The following CSMD1 variants were observed in gnomAD, a reference collection of about 807,000 sequenced individuals.
The protein encoded by CSMD1 is CUB and Sushi multiple domains 1, also known as CUB and sushi domain-containing protein 1.
CSMD1 carries 213 observed loss-of-function variants against 417.5 expected under a neutral mutation model. The observed-to-expected ratio is 0.51, with a 90% confidence interval of 0.46 to 0.57. The LOEUF is 0.57. CSMD1 is among the 20% of genes least tolerant of loss of function. The pLI, the probability that CSMD1 is intolerant of heterozygous loss-of-function variation, is 0.00. For missense variants in CSMD1, 6,923 were observed against 4,529.7 expected (o/e 1.53, Z -15.17); for synonymous variants, 2,862 against 1,736.8 (o/e 1.65, Z -16.11).
intron 46 of CSMD1, among the ~76,000 whole-genome samples, chr8:3,100,786 G>A (rs1407105452): frequency 6.6e-6 from 1 of 152,120 alleles, no homozygotes; most frequent in Non-Finnish European, 1.5e-5. Flanking sequence ...TAGTACTCTA[G>A]GATTAATAGC....
chr8:3,031,015 G>C (rs925141245), intron 50 of CSMD1, among the ~76,000 whole-genome samples: 1 of 151,398 alleles, frequency 6.6e-6, no homozygotes, highest in African/African-American at 2.4e-5. Flanking sequence ...TATTTTTTTA[G>C]GTTGAAGGAA....
intron 50 of CSMD1, among the ~76,000 whole-genome samples, chr8:3,029,765 G>A (rs940582410): frequency 2.6e-5 from 4 of 151,918 alleles, no homozygotes; most frequent in African/African-American, 4.8e-5. Context: ...TGTAAAGGGG[G>A]TAAATCACTT....
chr8:3,452,268 A>G (rs1475562185), intron 12 of CSMD1, among the ~76,000 whole-genome samples: 3 of 152,182 alleles, frequency 2.0e-5, no homozygotes, highest in Non-Finnish European at 4.4e-5. Context: ...GGAAAAAGGG[A>G]CAATTTGACT....
intron 5 of CSMD1, among the ~76,000 whole-genome samples, chr8:3,930,541 G>C (rs1447336275): frequency 1.3e-5 from 2 of 150,104 alleles, no homozygotes; most frequent in Non-Finnish European, 3.0e-5. Context: ...AAAGTTCTAA[G>C]TTGCTAGCCA....
chr8:3,304,300 G>GAAAT (rs1804644170), intron 25 of CSMD1, among the ~76,000 whole-genome samples: 1 of 152,056 alleles, frequency 6.6e-6, no homozygotes, highest in Admixed American at 6.6e-5. Flanking sequence ...TGTTACCATT[G>GAAAT]AAATAAATAA....
At chr8:3,140,958 C>T (rs1218569618) in intron 41 of CSMD1, among the ~76,000 whole-genome samples, 1 of 152,090 alleles carries the variant, frequency 6.6e-6, no homozygotes, top group Non-Finnish European at 1.5e-5. Flanking sequence ...GAAAGTTGAA[C>T]ATGAACAATG....
chr8:3,135,625 G>C (rs532109127), intron 41 of CSMD1, among the ~76,000 whole-genome samples: 1 of 148,272 alleles, frequency 6.7e-6, no homozygotes. Flanking sequence ...ACACGCTCTT[G>C]AGTGAAGTCT....
intron 23 of CSMD1, among the ~76,000 whole-genome samples, chr8:3,309,606 C>G (rs999793131): frequency 1.9e-4 from 28 of 145,176 alleles, no homozygotes; most frequent in African/African-American, 6.3e-4. Context: ...TATCATGATG[C>G]AAATTTTGAC....
At position 4,031,494 on chromosome 8, in the gene CSMD1, T is replaced by C. The variant is rs894997417; in HGVS notation, c.610+411A>G. ...GGAAACACTTACCCCCATGATTCAA[T>C]TACCTTCTACCAGGTTCCTCCCACA... On this transcript the variant is annotated intron_variant, in intron 4 of 69. Transcript: ENST00000635120. Among the ~76,000 whole-genome samples the C allele has an allele frequency of 7.2e-5, 11 of 152,162 alleles. 1 individual carries two copies. The highest frequency in any genetic ancestry group is 2.7e-4 in the African/African-American group (11 of 41,448).
intron 18 of CSMD1, among the ~76,000 whole-genome samples, chr8:3,384,817 ATAAT>A (rs1327178330): frequency 2.4e-5 from 3 of 123,318 alleles, no homozygotes; most frequent in Non-Finnish European, 4.8e-5. Context: ...ATATAAATAT[ATAAT>A]TAAATAAAAT....
chr8:4,193,767 A>G (rs565574797), intron 3 of CSMD1, among the ~76,000 whole-genome samples: 4 of 152,254 alleles, frequency 2.6e-5, no homozygotes, highest in South Asian at 2.1e-4. Context: ...CTGGCAAGTT[A>G]TGGAATCGGA....
intron 21 of CSMD1, among the ~76,000 whole-genome samples, chr8:3,350,182 C>A (rs1256038133): frequency 2.6e-5 from 3 of 116,014 alleles, no homozygotes; most frequent in South Asian, 2.7e-4. Context: ...CCTATAATAA[C>A]CTATAACTTG....
chr8:4,558,064 G>A (rs958915850), intron 2 of CSMD1, among the ~76,000 whole-genome samples: 1 of 152,156 alleles, frequency 6.6e-6, no homozygotes, highest in Non-Finnish European at 1.5e-5. Context: ...TACTGACTCA[G>A]CGATGAATCA....
intron 2 of CSMD1, among the ~76,000 whole-genome samples, chr8:4,435,703 CTG>C (rs779878095): frequency 1.3e-5 from 2 of 152,166 alleles, no homozygotes; most frequent in Non-Finnish European, 2.9e-5. Flanking sequence ...GGAGGTGCCT[CTG>C]TGTGGGGCTG....
chr8:3,424,621 A>G (rs761336638), intron 12 of CSMD1, among the ~76,000 whole-genome samples: 2 of 152,204 alleles, frequency 1.3e-5, no homozygotes, highest in South Asian at 2.1e-4. Flanking sequence ...TGAACACAAA[A>G]TCTTTCTTAT....
At chr8:3,528,598 T>G (rs1797852162) in intron 10 of CSMD1, among the ~76,000 whole-genome samples, 1 of 152,238 alleles carries the variant, frequency 6.6e-6, no homozygotes, top group Admixed American at 6.5e-5. Flanking sequence ...ACACACAATT[T>G]GAATTTCAAA....
intron 5 of CSMD1, among the ~76,000 whole-genome samples, chr8:3,782,321 C>T (rs540879747): frequency 6.6e-6 from 1 of 152,212 alleles, no homozygotes; most frequent in African/African-American, 2.4e-5. Context: ...TTGTATGATA[C>T]TGTGGCCCTA....
intron 2 of CSMD1, among the ~76,000 whole-genome samples, chr8:4,616,174 C>A (rs1205539993): frequency 1.3e-5 from 2 of 152,182 alleles, no homozygotes; most frequent in Non-Finnish European, 2.9e-5. Flanking sequence ...ATAGCTAAAA[C>A]TTCAAAAATA....
At chr8:3,181,840 A>C (rs259861) in intron 36 of CSMD1, among the ~76,000 whole-genome samples, 6 of 152,204 alleles carry the variant, frequency 3.9e-5, no homozygotes, top group Non-Finnish European at 8.8e-5. Flanking sequence ...GGCAATACAG[A>C]TACCGAGGAC....
Sources: gnomAD v4.1 joint callset for allele counts (sites outside exome capture counted in the v4.1 genomes callset) on GRCh38, gnomAD v4.1.1 for gene constraint, MANE v1.5 for transcripts, NCBI Gene and HGNC (gene_info 2026-07-23, HGNC 2026-07-21) for gene names.